UBE2W: variants seen among roughly 807,000 people sequenced by gnomAD.
UBE2W encodes ubiquitin conjugating enzyme E2 W.
In UBE2W, 18 loss-of-function variants were observed where a neutral mutation model predicts 27.2. The observed-to-expected ratio is 0.66, with a 90% CI of 0.46 to 0.98. The LOEUF is 0.98. UBE2W is among the 50% of genes least tolerant of loss of function. UBE2W has a pLI of 0.00. For synonymous variants in UBE2W, 53 were observed against 57.2 expected, an observed-to-expected ratio of 0.93 and a Z score of 0.33; for missense variants, 90 against 180.2, an observed-to-expected ratio of 0.50 and a Z score of 2.87.
At chr8:73,874,115 T>C (rs774273459) in intron 1 of UBE2W, among the ~76,000 whole-genome samples, 3 of 151,946 alleles carry the variant, frequency 2.0e-5, no homozygotes, top group Non-Finnish European at 2.9e-5. Flanking sequence ...AAATAATACA[T>C]AGGAAAGAAA....
At chr8:73,870,389 T>C in intron 1 of UBE2W, 1 of 1,168,984 alleles carries the variant, frequency 8.6e-7, no homozygotes, top group Non-Finnish European at 1.2e-6. Context: ...GGACTAGAAA[T>C]CAGAAAAAAA....
At chr8:73,794,151 C>T (rs777623847) in intron 5 of UBE2W, 36 bp from the exon 6 acceptor site, 53 of 1,605,938 alleles carry the variant, frequency 3.3e-5, no homozygotes, top group Non-Finnish European at 6.8e-6. Flanking sequence ...ATTAAAAAGT[C>T]AAGCATGTAT....
rs1808122073 is a variant in UBE2W, at chr8:73,789,861, T to A, written c.*4241A>T. 3.3e-6 allele frequency: 3 copies of A among 898,790 alleles called. No individual in the cohort carries two copies. The highest frequency in any genetic ancestry group is 1.8e-5 in the African/African-American group (1 of 55,444). The allele number at this position is 898,790 out of a possible 1,614,324, so 55.7% of individuals were successfully genotyped here. ...CAAAAATAAATAAATAAATAAATAATAAAAATAATCATTCCACATCTCAAA... is the reference window on the plus strand; with the variant it reads ...CAAAAATAAATAAATAAATAAATAAAAAAAATAATCATTCCACATCTCAAA... On this transcript the variant is annotated 3_prime_UTR_variant, in exon 6 of 6. Coordinates refer to ENST00000602593, the MANE Select transcript of UBE2W (RefSeq NM_018299.6).
rs1369667209 is a variant in UBE2W, at chr8:73,789,895, G to C, written c.*4207C>G. 2.1e-6 allele frequency: 2 copies of C among 973,882 alleles called. No homozygotes were observed. The highest frequency in any genetic ancestry group is 3.5e-5 in the African/African-American group (2 of 57,072). The allele number at this position is 973,882 out of a possible 1,614,324, so 60.3% of individuals were successfully genotyped here. A position where few individuals can be genotyped will look rare whatever the true frequency, so the allele number is the denominator to read the frequency against. On this transcript the variant is annotated 3_prime_UTR_variant, in exon 6 of 6. Transcript: ENST00000602593. ...TCATTCCACATCTCAAAATGACTTA[G>C]AAATTTAAATGGAAAAAATAAATAA...
rs1808250357 is a variant in UBE2W at position 73,792,597 on chromosome 8, T to A, written c.*1505A>T. ...ACTGGCTTTCAGTTTTAAGCCCAAA[T>A]TGATTCATATATTCACTGCAGGATA... is the stretch of plus-strand genomic sequence containing the variant. On this transcript the variant is annotated 3_prime_UTR_variant, in exon 6 of 6. Coordinates refer to ENST00000602593, the MANE Select transcript of UBE2W (RefSeq NM_018299.6). The A allele has an allele frequency of 1.0e-6, 1 of 985,644 alleles. No homozygotes were observed. Among genetic ancestry groups the A allele is most frequent in the Non-Finnish European group, 1.2e-6 (1 of 829,826 alleles). The allele number at this position is 985,644 out of a possible 1,614,324, so 61.1% of individuals were successfully genotyped here. A position where few individuals can be genotyped will look rare whatever the true frequency, so the allele number is the denominator to read the frequency against.
chr8:73,832,356 G>C (rs1030976378), intron 1 of UBE2W, among the ~76,000 whole-genome samples: 1 of 151,946 alleles, frequency 6.6e-6, no homozygotes, highest in Non-Finnish European at 1.5e-5. Context: ...TAAACTTTCA[G>C]GGTTTCTAAT....
chr8:73,878,056 G>A (rs940409188), intron 1 of UBE2W, among the ~76,000 whole-genome samples: 2 of 152,186 alleles, frequency 1.3e-5, no homozygotes, highest in African/African-American at 2.4e-5. Flanking sequence ...CTTGCAGTGG[G>A]AAACAAAATA....
chr8:73,873,435 G>A (rs559169905), intron 1 of UBE2W, among the ~76,000 whole-genome samples: 4 of 152,124 alleles, frequency 2.6e-5, no homozygotes, highest in African/African-American at 9.7e-5. Flanking sequence ...AAGGTGGGCC[G>A]ATGGCTGAGT....
chr8:73,808,178 G>A (rs959757093), intron 4 of UBE2W, among the ~76,000 whole-genome samples: 1 of 152,100 alleles, frequency 6.6e-6, no homozygotes. Context: ...TGTCCACTAC[G>A]GAATAAAATT....
rs1267971469 is a variant in UBE2W at position 73,791,267 on chromosome 8, G to GAAAAAAAA, written c.*2827_*2834dup. The stretch of plus-strand genomic sequence containing the variant: ...TGGCATTAATCCCTACTTGACCAAA[G>GAAAAAAAA]AAAAAAAAAAAAAAGAAGGGCATCA... On this transcript the variant is annotated 3_prime_UTR_variant, in exon 6 of 6. Coordinates refer to ENST00000602593, the MANE Select transcript of UBE2W (RefSeq NM_018299.6). 2 of 446,446 alleles carry GAAAAAAAA rather than the reference G, an allele frequency of 4.5e-6. No individual in the cohort carries two copies. Among genetic ancestry groups the GAAAAAAAA allele is most frequent in the Non-Finnish European group, 2.7e-6 (1 of 371,856 alleles). The allele number at this position is 446,446 out of a possible 1,614,324, so 27.7% of individuals were successfully genotyped here.
At position 73,878,815 on chromosome 8, in the gene UBE2W, G is replaced by A; in HGVS notation, c.8C>T (p.Ser3Leu). The change falls in exon 1 of 6, where the codon TCA becomes TTA. Residue 3 changes from serine (S) to leucine (L), a missense_variant. Coordinates refer to ENST00000602593, the MANE Select transcript of UBE2W (RefSeq NM_018299.6). ...GCAGCAAACTCCTCTCACCTGCATTGACGCCATGATGGAACCATCCCCCCA... is the reference window on the plus strand; with the variant it reads ...GCAGCAAACTCCTCTCACCTGCATTAACGCCATGATGGAACCATCCCCCCA... The part of the protein sequence containing the change: MA[S>L]MQKRLQKELL... 6.4e-7 allele frequency: 1 copy of A among 1,551,032 alleles called. No individual in the cohort carries two copies. The highest frequency in any genetic ancestry group is 8.7e-7 in the Non-Finnish European group (1 of 1,146,636).
intron 1 of UBE2W, chr8:73,870,401 A>G: frequency 8.6e-7 from 1 of 1,167,140 alleles, no homozygotes; most frequent in Non-Finnish European, 1.2e-6. Flanking sequence ...AGAAAAAAAA[A>G]AAAGACAAAA....
At chr8:73,795,619 C>A (rs1350382214) in intron 5 of UBE2W, among the ~76,000 whole-genome samples, 1 of 152,154 alleles carries the variant, frequency 6.6e-6, no homozygotes, top group South Asian at 2.1e-4. Flanking sequence ...CCAGTAAAAT[C>A]TGACTTCTAA....
chr8:73,809,994 T>C lies in UBE2W; in HGVS notation c.366+480A>G, dbSNP rs139987944. 7.9e-5 allele frequency among the ~76,000 whole-genome samples: 12 copies of C among 152,234 alleles called. No individual in the cohort carries two copies. In the East Asian group the frequency reaches 2.1e-3, roughly 27 times the overall value. On this transcript the variant is annotated intron_variant, in intron 4 of 5. Coordinates refer to ENST00000602593, the MANE Select transcript of UBE2W (RefSeq NM_018299.6). ...AGAACAGGAAGAAACGCCCTGAAAA[T>C]TCGACTGGTAAACTGGTCTTCCTCC... is the stretch of plus-strand genomic sequence containing the variant.
rs371396743 is a variant in UBE2W, at chr8:73,789,411, G to C, written c.*4691C>G. On this transcript the variant is annotated 3_prime_UTR_variant, in exon 6 of 6. Coordinates refer to ENST00000602593, the MANE Select transcript of UBE2W (RefSeq NM_018299.6). ...TACCCGGGAGGCAGGAGGATTGCTTGAGCCAAGGTGGTCAAGGCTGCAATG... is the reference window on the plus strand; with the variant it reads ...TACCCGGGAGGCAGGAGGATTGCTTCAGCCAAGGTGGTCAAGGCTGCAATG... 6.5e-6 allele frequency: 1 copy of C among 154,448 alleles called. No individual in the cohort carries two copies. The highest frequency in any genetic ancestry group is 2.5e-5 in the African/African-American group (1 of 40,800). The allele number at this position is 154,448 out of a possible 1,614,324, so 9.6% of individuals were successfully genotyped here.
chr8:73,808,708 G>C (rs1809022061), intron 4 of UBE2W, among the ~76,000 whole-genome samples: 1 of 152,076 alleles, frequency 6.6e-6, no homozygotes, highest in South Asian at 2.1e-4. Flanking sequence ...TGGAAATCTT[G>C]ATTTCTGTAT....
At chr8:73,781,514 A>C (rs12679779), downstream of UBE2W, among the ~76,000 whole-genome samples, 60,765 of 151,602 alleles carry the variant, frequency 0.4, 14,525 homozygotes, top group Admixed American at 0.55. Context: ...GGTGAAAACT[A>C]TCACCCTCAA....
In UBE2W at chr8:73,793,442, C is replaced by A. The variant is rs764135082; in HGVS notation, c.*660G>T. On this transcript the variant is annotated 3_prime_UTR_variant, in exon 6 of 6. Coordinates refer to ENST00000602593, the MANE Select transcript of UBE2W (RefSeq NM_018299.6). ...AGGGATAACATACTGTACCTCTCTG[C>A]CAATGTTACTTGAAAATCTTCCATG... The A allele has an allele frequency of 1.5e-5, 15 of 985,658 alleles. No individual in the cohort carries two copies. Among genetic ancestry groups the A allele is most frequent in the Non-Finnish European group, 1.7e-5 (14 of 829,888 alleles). The allele number at this position is 985,658 out of a possible 1,614,324, so 61.1% of individuals were successfully genotyped here.
Position 73,786,620 on chromosome 8 carries a change from G to A in UBE2W, c.*7482C>T, listed in dbSNP as rs940990799. ...ACGCAGATCATGAACATTCTAGGAG[G>A]GAAGAACATTAGCAGACGGCAGTGG... is the stretch of plus-strand genomic sequence containing the variant. On this transcript the variant is annotated 3_prime_UTR_variant, in exon 6 of 6. Transcript: ENST00000602593. 2 of 985,284 alleles carry A rather than the reference G, an allele frequency of 2.0e-6. No individual in the cohort carries two copies. The allele number at this position is 985,284 out of a possible 1,614,324, so 61.0% of individuals were successfully genotyped here.
Sources: gnomAD v4.1 joint callset for allele counts (sites outside exome capture counted in the v4.1 genomes callset) on GRCh38, gnomAD v4.1.1 for gene constraint, MANE v1.5 for transcripts, NCBI Gene and HGNC (gene_info 2026-07-23, HGNC 2026-07-21) for gene names.